Variants in PKHD1 observed in about 807,000 individuals in gnomAD.
PKHD1 encodes PKHD1 ciliary IPT domain containing fibrocystin/polyductin.
Under a neutral mutation model 412.0 loss-of-function variants are expected in PKHD1, and 291 were observed. That is an observed-to-expected ratio of 0.71 (90% confidence interval 0.64 to 0.78). The LOEUF (loss-of-function observed/expected upper bound fraction) is 0.78, where lower values mean the gene tolerates loss of function less well. Among genes scored for constraint, PKHD1 ranks in the 30% least tolerant of loss-of-function variants. The probability of loss-of-function intolerance (pLI) is 0.00; values close to 1 mark genes in which losing one functional copy is unlikely to be tolerated. For missense variants in PKHD1, 4,825 were observed against 4,950.7 expected, an observed-to-expected ratio of 0.97 and a Z score of 0.76; for synonymous variants, 1,777 against 1,821.5, an observed-to-expected ratio of 0.98 and a Z score of 0.62.
intron 60 of PKHD1, among the ~76,000 whole-genome samples, chr6:51,719,007 G>C (rs1263857406): frequency 3.3e-5 from 5 of 152,012 alleles, no homozygotes; most frequent in African/African-American, 1.2e-4. Context: ...GTCCACACAG[G>C]CTTGGGAACA....
At position 52,006,535 on chromosome 6, in the gene PKHD1, C is replaced by T. The variant is rs1190510319; in HGVS notation, c.5751+3774G>A. 9.9e-5 allele frequency among the ~76,000 whole-genome samples: 15 copies of T among 152,220 alleles called. No homozygotes were observed. In the East Asian group the frequency reaches 2.9e-3, roughly 29 times the overall value. On this transcript the variant is annotated intron_variant, in intron 35 of 66. Coordinates refer to ENST00000371117, the MANE Select transcript of PKHD1 (RefSeq NM_138694.4). ...GGGACTACAGGTACCCGCCACCATG[C>T]TCGGCTCATTTTTGTATTTTTAGTA...
chr6:51,955,793 C>T (rs1397985551), intron 36 of PKHD1, among the ~76,000 whole-genome samples: 1 of 151,858 alleles, frequency 6.6e-6, no homozygotes, highest in African/African-American at 2.4e-5. Context: ...CATATTTTGT[C>T]GGTTAAAATC....
Position 51,618,650 on chromosome 6 carries a change from G to C in PKHD1, c.*431C>G. On this transcript the variant is annotated 3_prime_UTR_variant, in exon 67 of 67. Coordinates refer to ENST00000371117, the MANE Select transcript of PKHD1 (RefSeq NM_138694.4). ...CTACAGGATAAAGAAATGCTTTTCT[G>C]TAACAGTGTGGAATTAAACTGTAGC... 3.6e-6 allele frequency: 1 copy of C among 279,486 alleles called. No homozygotes were observed. Among genetic ancestry groups the C allele is most frequent in the Non-Finnish European group, 6.9e-6 (1 of 145,342 alleles). 17.3% of individuals were successfully genotyped at this position (279,486 alleles called of 1,614,324 possible). A position where few individuals can be genotyped will look rare whatever the true frequency, so the allele number is the denominator to read the frequency against.
intron 54 of PKHD1, among the ~76,000 whole-genome samples, chr6:51,774,739 A>G (rs942366844): frequency 1.3e-5 from 2 of 151,870 alleles, no homozygotes; most frequent in Non-Finnish European, 2.9e-5. Context: ...GCTAATGAAT[A>G]TTAAATTTAT....
rs562379785 is a variant in PKHD1, at chr6:51,615,504, T to A, written c.*3577A>T. 1 of 152,206 alleles carries A rather than the reference T, an allele frequency of 6.6e-6. No individual in the cohort carries two copies. Among genetic ancestry groups the A allele is most frequent in the African/African-American group, 2.4e-5 (1 of 41,456 alleles). The allele number at this position is 152,206 out of a possible 1,614,324, so 9.4% of individuals were successfully genotyped here. A position where few individuals can be genotyped will look rare whatever the true frequency, so the allele number is the denominator to read the frequency against. ...TTAATTCCTTGTGCTTATAGTTTTT[T>A]CAAAATTGGCATAGACTATAAGTTC... is the stretch of plus-strand genomic sequence containing the variant. On this transcript the variant is annotated 3_prime_UTR_variant, in exon 67 of 67. Coordinates refer to ENST00000371117, the MANE Select transcript of PKHD1 (RefSeq NM_138694.4).
chr6:52,057,078 T>C, intron 16 of PKHD1, 99 bp from the exon 17 acceptor site: 1 of 794,884 alleles, frequency 1.3e-6, no homozygotes, highest in Non-Finnish European at 2.2e-6. Flanking sequence ...TGCTATTTCC[T>C]TTTTATTATA....
chr6:51,829,482 G>T (rs186280020), intron 52 of PKHD1, among the ~76,000 whole-genome samples: 1 of 152,124 alleles, frequency 6.6e-6, no homozygotes, highest in Non-Finnish European at 1.5e-5. Context: ...GGGTGAATCC[G>T]CTGGCTAGAT....
intron 11 of PKHD1, among the ~76,000 whole-genome samples, chr6:52,067,330 T>C (rs911800856): frequency 6.6e-6 from 1 of 152,230 alleles, no homozygotes; most frequent in Non-Finnish European, 1.5e-5. Context: ...ATTCTTTTGT[T>C]ATGCATTCAA....
intron 52 of PKHD1, among the ~76,000 whole-genome samples, chr6:51,803,864 G>A (rs569191947): frequency 5.3e-5 from 8 of 151,244 alleles, no homozygotes; most frequent in East Asian, 1.9e-4. Flanking sequence ...CCATCACCAC[G>A]CCTGGCTAAA....
At chr6:52,069,596 G>T in intron 10 of PKHD1, 69 bp from the exon 11 acceptor site, 2 of 1,165,174 alleles carry the variant, frequency 1.7e-6, no homozygotes, top group Non-Finnish European at 2.6e-6. Flanking sequence ...TTAGTCGGCT[G>T]CCTGAAAGGA....
intron 36 of PKHD1, among the ~76,000 whole-genome samples, chr6:51,944,991 AC>A (rs1446382693): frequency 2.6e-5 from 4 of 152,220 alleles, no homozygotes; most frequent in African/African-American, 9.6e-5. Context: ...CCAGAGCAGT[AC>A]CACACTGCTT....
At chr6:51,725,713 T>C (rs1253532123) in intron 60 of PKHD1, among the ~76,000 whole-genome samples, 1 of 152,186 alleles carries the variant, frequency 6.6e-6, no homozygotes, top group Non-Finnish European at 1.5e-5. Flanking sequence ...AAGAAGTAAA[T>C]CGACCAAGTC....
At chr6:51,681,795 C>T (rs1031907670) in intron 60 of PKHD1, among the ~76,000 whole-genome samples, 1 of 152,082 alleles carries the variant, frequency 6.6e-6, no homozygotes, top group Non-Finnish European at 1.5e-5. Flanking sequence ...CACAGCTATA[C>T]GCATTTGTTT....
chr6:52,029,276 A>G (rs746696576), intron 29 of PKHD1, among the ~76,000 whole-genome samples: 12 of 152,200 alleles, frequency 7.9e-5, no homozygotes, highest in Admixed American at 2.6e-4. Context: ...CTTGCATTTC[A>G]GTGTCCTTTT....
chr6:51,713,210 A>T (rs1037910957), intron 60 of PKHD1, among the ~76,000 whole-genome samples: 1 of 152,236 alleles, frequency 6.6e-6, no homozygotes, highest in Admixed American at 6.5e-5. Flanking sequence ...TTTAACTCAT[A>T]CTGTCAAATG....
At chr6:51,785,919 T>C (rs1306249005) in intron 53 of PKHD1, among the ~76,000 whole-genome samples, 1 of 152,226 alleles carries the variant, frequency 6.6e-6, no homozygotes, top group Admixed American at 6.5e-5. Flanking sequence ...TATTATCACT[T>C]AGATCTTTCA....
At chr6:51,829,301 A>G (rs9463722) in intron 52 of PKHD1, among the ~76,000 whole-genome samples, 67,435 of 151,850 alleles carry the variant, frequency 0.44, 16,058 homozygotes, top group Middle Eastern at 0.62. Flanking sequence ...GGGACCCAGG[A>G]CACACAGTGG....
At chr6:51,715,127 C>G (rs16881797) in intron 60 of PKHD1, among the ~76,000 whole-genome samples, 4,837 of 152,206 alleles carry the variant, frequency 0.032, 114 homozygotes, top group African/African-American at 0.07. Context: ...CAAAGCTAGT[C>G]TCCTTTATAC....
intron 34 of PKHD1, among the ~76,000 whole-genome samples, chr6:52,014,418 C>T (rs1800196739): frequency 6.6e-6 from 1 of 152,210 alleles, no homozygotes; most frequent in African/African-American, 2.4e-5. Context: ...ACTTTCATGA[C>T]ATCCACGAAT....
Sources: allele counts gnomAD v4.1 joint callset (sites outside exome capture counted in the v4.1 genomes callset), GRCh38; gene constraint gnomAD v4.1.1; transcripts MANE v1.5; gene names NCBI Gene and HGNC (gene_info 2026-07-23, HGNC 2026-07-21).